CFAP410: variants seen among roughly 807,000 people sequenced by gnomAD.
CFAP410 encodes cilia- and flagella-associated protein 410.
CFAP410 carries 27 observed loss-of-function variants against 25.7 expected under a neutral mutation model. That is an observed-to-expected ratio of 1.05 (90% confidence interval 0.77 to 1.45). The LOEUF (loss-of-function observed/expected upper bound fraction) is 1.45, where lower values mean the gene tolerates loss of function less well. Ranked by LOEUF, CFAP410 falls within the 40% of genes most tolerant of loss-of-function variation. The probability of loss-of-function intolerance (pLI) is 0.00; values close to 1 mark genes in which losing one functional copy is unlikely to be tolerated. For synonymous variants in CFAP410, 178 were observed against 158.4 expected, an observed-to-expected ratio of 1.12 and a Z score of -0.93; for missense variants, 428 against 354.1, an observed-to-expected ratio of 1.21 and a Z score of -1.67.
chr21:44,330,698 C>T, intron 6 of CFAP410, 125 bp downstream of exon 6: 1 of 1,549,278 alleles, frequency 6.5e-7, no homozygotes, highest in South Asian at 1.2e-5. Context: ...CTCTTCAAGG[C>T]CCTGTGAGGC....
Position 44,339,122 on chromosome 21 carries a change from A to C in CFAP410, c.73T>G (p.Cys25Gly), listed in dbSNP as rs1478299726. Reference protein sequence around the residue: ...SELHSVRKLNCWGSRLTDISI... With the variant: ...SELHSVRKLNGWGSRLTDISI... ...CGCGGCCAGGCCCCGCCTCACCAGC[A>C]GTTGAGCTTGCGCACGCTGTGCAGC... The change falls in exon 1 of 7, where the codon TGC becomes GGC. Residue 25 changes from cysteine to glycine, a missense_variant. By Grantham distance (159) the Cys-to-Gly change is radical. Coordinates refer to ENST00000339818, the MANE Select transcript of CFAP410 (RefSeq NM_004928.3). 2 of 1,444,296 alleles carry C rather than the reference A, an allele frequency of 1.4e-6. No homozygotes were observed. The highest frequency in any genetic ancestry group is 3.1e-5 in the East Asian group (1 of 32,188). The allele number at this position is 1,444,296 out of a possible 1,614,324, so 89.5% of individuals were successfully genotyped here. A position where few individuals can be genotyped will look rare whatever the true frequency, so the allele number is the denominator to read the frequency against.
chr21:44,333,362 T>C (rs2047688981), intron 3 of CFAP410, 100 bp from the exon 4 acceptor site: 4 of 893,170 alleles, frequency 4.5e-6, no homozygotes, highest in Non-Finnish European at 7.0e-6. Context: ...GGGACCTGTG[T>C]CCCTGCCCTC....
chr21:44,334,320 C>A (rs1178761705), intron 3 of CFAP410: 1 of 455,046 alleles, frequency 2.2e-6, no homozygotes, highest in Non-Finnish European at 4.4e-6. Context: ...ACTCAGTGAG[C>A]GGCAGGGATA....
Position 44,331,955 on chromosome 21 carries a change from G to C in CFAP410, c.433C>G (p.Pro145Ala). ...CCGTGGCCTGTGCCCTCTCTCTCTG[G>C]GGCCGCAGTGATCTCCTCTCCCTCA... ...LSEGEEITAA[P>A]EREGTGHGGP... The change falls in exon 5 of 7, where the codon CCA (proline) becomes GCA (alanine). Residue 145 changes from proline to alanine, a missense_variant. Pro to Ala is a conservative substitution (Grantham distance 27). Transcript: ENST00000339818. 1 of 1,613,592 alleles carries C rather than the reference G, an allele frequency of 6.2e-7. No individual in the cohort carries two copies. Among genetic ancestry groups the C allele is most frequent in the Non-Finnish European group, 8.5e-7 (1 of 1,179,834 alleles).
At position 44,333,075 on chromosome 21, in the gene CFAP410, C is replaced by T. The variant is rs555164150; in HGVS notation, c.331G>A (p.Val111Met). The T allele has an allele frequency of 2.2e-5, 35 of 1,608,042 alleles. No homozygotes were observed. The highest frequency in any genetic ancestry group is 6.7e-5 in the East Asian group (3 of 44,664). ...TGTAGGCGCGGCAGGGTGCGCAGCA[C>T]GGTCATGCGGTAGCGGTGGGGGCTG... is the stretch of plus-strand genomic sequence containing the variant. Reference protein sequence around the residue: ...GTSPHRYRMTVLRTLPRLQKL... With the variant: ...GTSPHRYRMTMLRTLPRLQKL... Residue 111 changes from valine (V) to methionine (M), a missense_variant, in exon 4 of 7, where the codon GTG (valine) becomes ATG (methionine). Transcript: ENST00000339818.
rs2047826474 is a variant in CFAP410 at position 44,339,353 on chromosome 21, C to G, written c.-159G>C. The stretch of plus-strand genomic sequence containing the variant: ...TGAGGAGAGCGGGGCGACGCGAGCC[C>G]GCTGGGGCCGCTTGGGCGCCGCTGA... On this transcript the variant is annotated 5_prime_UTR_variant, in exon 1 of 7. Transcript: ENST00000339818. 1 of 430,530 alleles carries G rather than the reference C, an allele frequency of 2.3e-6. No homozygotes were observed. 26.7% of individuals were successfully genotyped at this position (430,530 alleles called of 1,614,324 possible).
intron 2 of CFAP410, among the ~76,000 whole-genome samples, chr21:44,336,029 G>A (rs1212434665): frequency 3.7e-5 from 3 of 80,724 alleles, no homozygotes; most frequent in Admixed American, 1.1e-4. Flanking sequence ...TGAGGGGAGC[G>A]GCCCTGCTCA....
Position 44,329,657 on chromosome 21 carries a change from A to ACTC in CFAP410, c.*538_*540dup, listed in dbSNP as rs369516551. 3.3e-5 allele frequency: 5 copies of ACTC among 152,340 alleles called. No individual in the cohort carries two copies. Among genetic ancestry groups the ACTC allele is most frequent in the African/African-American group, 1.2e-4 (5 of 41,400 alleles). 9.4% of individuals were successfully genotyped at this position (152,340 alleles called of 1,614,324 possible). A position where few individuals can be genotyped will look rare whatever the true frequency, so the allele number is the denominator to read the frequency against. On this transcript the variant is annotated 3_prime_UTR_variant, in exon 7 of 7. Transcript: ENST00000339818. ...TGCCCAGCCCGGCCAAGAAAACAAA[A>ACTC]CTCTCTCCCATGGGTGCGGGAGGCT...
chr21:44,335,396 G>C, intron 3 of CFAP410: 1 of 305,932 alleles, frequency 3.3e-6, no homozygotes, highest in South Asian at 4.3e-5. Context: ...TGGCCACCGT[G>C]GGGGCGGCCA....
In CFAP410 at chr21:44,330,584, G is replaced by T. The variant is rs773463440; in HGVS notation, c.642+239C>A. ...CCCGGGCCCACATTCCACAGACCAG[G>T]ACAGCAGGAGAGGCTGAGGGGCCAG... On this transcript the variant is annotated intron_variant, in intron 6 of 6. Transcript: ENST00000339818. 25 of 1,549,784 alleles carry T rather than the reference G, an allele frequency of 1.6e-5. No homozygotes were observed. In the South Asian group the frequency reaches 2.9e-4, roughly 18 times the overall value.
intron 2 of CFAP410, among the ~76,000 whole-genome samples, chr21:44,337,314 A>C (rs1340927328): frequency 1.3e-5 from 2 of 152,142 alleles, no homozygotes; most frequent in Non-Finnish European, 2.9e-5. Context: ...CTTCCCCGTA[A>C]CAAAGTAAAA....
chr21:44,338,293 C>T (rs1311016331), intron 1 of CFAP410: 8 of 1,288,970 alleles, frequency 6.2e-6, no homozygotes, highest in Admixed American at 2.3e-5. Flanking sequence ...CCCCCACACC[C>T]GCCTGCACGG....
Position 44,331,950 on chromosome 21 carries a change from C to T in CFAP410, c.438G>A (p.Glu146=), listed in dbSNP as rs1191271563. The change falls in exon 5 of 7, where the codon GAG becomes GAA. Residue 146 remains glutamate, a synonymous_variant. Transcript: ENST00000339818. The stretch of plus-strand genomic sequence containing the variant: ...GGCCGCCGTGGCCTGTGCCCTCTCT[C>T]TCTGGGGCCGCAGTGATCTCCTCTC... ...SEGEEITAAP[E]REGTGHGGPK... The T allele has an allele frequency of 2.5e-6, 4 of 1,613,552 alleles. No individual in the cohort carries two copies. The highest frequency in any genetic ancestry group is 3.4e-6 in the Non-Finnish European group (4 of 1,179,880).
At chr21:44,337,737 C>A in intron 1 of CFAP410, 70 bp from the exon 2 acceptor site, 2 of 1,315,444 alleles carry the variant, frequency 1.5e-6, no homozygotes, top group Non-Finnish European at 2.2e-6. Flanking sequence ...ACAAAAATTC[C>A]AAAAATCACC....
chr21:44,331,018 G>A lies in CFAP410; in HGVS notation c.546-99C>T, dbSNP rs1391999001. On this transcript the variant is annotated intron_variant, in intron 5 of 6. Transcript: ENST00000339818. The stretch of plus-strand genomic sequence containing the variant: ...CGGGTCGCATCCAAGCAAAGGAGGG[G>A]CTCATACAAATCCCACCTGGCACAC... 6 of 1,120,182 alleles carry A rather than the reference G, an allele frequency of 5.4e-6. No homozygotes were observed. In the East Asian group the frequency reaches 1.0e-4, roughly 19 times the overall value. 69.4% of individuals were successfully genotyped at this position (1,120,182 alleles called of 1,614,324 possible).
intron 3 of CFAP410, chr21:44,334,521 C>CCCCTCAGCCTCTGGGCGGGCACGCGCA: frequency 5.7e-6 from 1 of 174,472 alleles, no homozygotes. Context: ...ACGCGCACCC[C>CCCCTCAGCCTCTGGGCGGGCACGCGCA]CCCCCCCCCC....
At chr21:44,336,080 C>T (rs112247441) in intron 2 of CFAP410, among the ~76,000 whole-genome samples, 6 of 124,084 alleles carry the variant, frequency 4.8e-5, no homozygotes, top group Non-Finnish European at 7.0e-5. Context: ...CTGAGGGGAG[C>T]GGCCCTGCTC....
intron 2 of CFAP410, 165 bp from the exon 3 acceptor site, chr21:44,335,969 A>G (rs1333423805): frequency 1.2e-5 from 7 of 586,102 alleles, no homozygotes; most frequent in Non-Finnish European, 2.2e-5. Flanking sequence ...CCAGGGCCTG[A>G]GGGGAGCGGC....
intron 3 of CFAP410, chr21:44,334,486 A>AC (rs1214512571): frequency 4.2e-5 from 6 of 143,844 alleles, no homozygotes; most frequent in South Asian, 5.6e-5. Flanking sequence ...AGGCACGCGC[A>AC]CCCCCCCTCA....
Sources: allele counts gnomAD v4.1 joint callset (sites outside exome capture counted in the v4.1 genomes callset), GRCh38; gene constraint gnomAD v4.1.1; transcripts MANE v1.5; gene names NCBI Gene and HGNC (gene_info 2026-07-23, HGNC 2026-07-21).